The following SS18 variants were observed in gnomAD, a reference collection of about 807,000 sequenced individuals.
SS18 encodes the protein protein SSXT.
SS18 carries 28 observed loss-of-function variants against 72.5 expected under a neutral mutation model. That is an observed-to-expected ratio of 0.39 (90% CI 0.29 to 0.53). The LOEUF is 0.53. SS18 is among the 20% of genes least tolerant of loss of function. The pLI is 0.76. For synonymous variants in SS18, 172 were observed against 164.2 expected (o/e 1.05, Z -0.37); for missense variants, 518 against 535.3 (o/e 0.97, Z 0.32).
chr18:26,069,245 T>C (rs1251125710), intron 3 of SS18, among the ~76,000 whole-genome samples: 1 of 152,130 alleles, frequency 6.6e-6, no homozygotes, highest in East Asian at 1.9e-4. Flanking sequence ...TGAACTGTTT[T>C]ACAGCATTCT....
chr18:26,044,775 A>AG (rs2053790730), intron 5 of SS18, among the ~76,000 whole-genome samples: 1 of 152,026 alleles, frequency 6.6e-6, no homozygotes, highest in African/African-American at 2.4e-5. Flanking sequence ...TGGGCCAAGC[A>AG]GGGGGGTAAA....
chr18:26,090,212 C>T (rs1568039067), intron 1 of SS18: 1 of 464,316 alleles, frequency 2.2e-6, no homozygotes, highest in Non-Finnish European at 3.8e-6. Flanking sequence ...CGCACGCGCC[C>T]CGCAGCCCGA....
At chr18:26,073,087 G>A (rs2054345986) in intron 3 of SS18, among the ~76,000 whole-genome samples, 1 of 151,960 alleles carries the variant, frequency 6.6e-6, no homozygotes, top group Non-Finnish European at 1.5e-5. Flanking sequence ...CTGACCATAT[G>A]CTGGACCTTG....
Position 26,038,563 on chromosome 18 carries a change from T to C in SS18, c.872A>G (p.Tyr291Cys). Reference sequence around the variant, plus strand: ...ACATCAGGAGAGATTACCATCAGGGTAATATTGCTGGTTCATGCCTTCTGG... The same window carrying C: ...ACATCAGGAGAGATTACCATCAGGGCAATATTGCTGGTTCATGCCTTCTGG... Reference protein sequence around the residue: ...GPPEGMNQQYYPDGHNDYGYQ... With the variant: ...GPPEGMNQQYCPDGHNDYGYQ... Residue 291 changes from tyrosine (Y) to cysteine (C), a missense_variant, in exon 7 of 11, where the codon TAC becomes TGC. Tyr to Cys is a radical substitution (Grantham distance 194). Coordinates refer to ENST00000415083, the MANE Select transcript of SS18 (RefSeq NM_001007559.3). 2 of 1,612,802 alleles carry C rather than the reference T, an allele frequency of 1.2e-6. No homozygotes were observed. Among genetic ancestry groups the C allele is most frequent in the South Asian group, 2.2e-5 (2 of 91,044 alleles).
chr18:26,023,252 A>G (rs189326492), intron 10 of SS18, among the ~76,000 whole-genome samples: 199 of 152,324 alleles, frequency 1.3e-3, no homozygotes, highest in South Asian at 4.1e-3. Context: ...TAAAAGAATT[A>G]TATTTGTATT....
chr18:26,073,387 G>C (rs567685221), intron 3 of SS18, among the ~76,000 whole-genome samples: 1 of 152,074 alleles, frequency 6.6e-6, no homozygotes, highest in African/African-American at 2.4e-5. Flanking sequence ...CTAAAACTCA[G>C]AAGAACAGAA....
At chr18:26,047,647 C>A (rs2053851441) in intron 5 of SS18, among the ~76,000 whole-genome samples, 1 of 151,960 alleles carries the variant, frequency 6.6e-6, no homozygotes, top group South Asian at 2.1e-4. Flanking sequence ...TGAGACCATC[C>A]TGGCTAACAC....
chr18:26,057,124 T>C (rs1431125534), intron 4 of SS18, among the ~76,000 whole-genome samples: 1 of 152,228 alleles, frequency 6.6e-6, no homozygotes, highest in Non-Finnish European at 1.5e-5. Context: ...TCAATATCAA[T>C]AAGGAAATAC....
chr18:26,045,144 C>A lies in SS18; in HGVS notation c.608-5688G>T, dbSNP rs577467895. Among the ~76,000 whole-genome samples, 341 of 152,336 alleles carry A rather than the reference C, an allele frequency of 2.2e-3. 1 individual carries two copies. Among genetic ancestry groups the A allele is most frequent in the Middle Eastern group, 6.8e-3 (2 of 294 alleles). On this transcript the variant is annotated intron_variant, in intron 5 of 10. Transcript: ENST00000415083. ...ATACAACAAGAGCCTCTTAACAGGT[C>A]TCCCTATTTCACCCTTGCCCAATTA... is the stretch of plus-strand genomic sequence containing the variant.
chr18:26,077,430 T>C (rs1598606878), intron 3 of SS18, among the ~76,000 whole-genome samples: 1 of 152,154 alleles, frequency 6.6e-6, no homozygotes, highest in South Asian at 2.1e-4. Flanking sequence ...TTCTACACAA[T>C]ATATGACCCA....
At chr18:26,087,694 C>A in intron 1 of SS18, 117 bp from the exon 2 acceptor site, 1 of 587,526 alleles carries the variant, frequency 1.7e-6, no homozygotes, top group Non-Finnish European at 3.0e-6. Context: ...AACTCTAAAG[C>A]GTATCCCTTA....
intron 10 of SS18, among the ~76,000 whole-genome samples, chr18:26,028,856 T>C (rs1041438076): frequency 6.6e-6 from 1 of 152,170 alleles, no homozygotes. Flanking sequence ...GGTGTGTATA[T>C]ACGTGTCAAA....
At chr18:26,087,162 C>CA (rs764748356) in intron 2 of SS18, among the ~76,000 whole-genome samples, 2 of 151,962 alleles carry the variant, frequency 1.3e-5, no homozygotes, top group Non-Finnish European at 2.9e-5. Context: ...AAATGTGAGT[C>CA]AAAACCGACC....
In SS18 at chr18:26,016,638, G is replaced by A. The variant is rs1450811801; in HGVS notation, c.*1716C>T. 2 of 186,566 alleles carry A rather than the reference G, an allele frequency of 1.1e-5. No homozygotes were observed. The highest frequency in any genetic ancestry group is 8.7e-5 in the East Asian group (1 of 11,460). The allele number at this position is 186,566 out of a possible 1,614,324, so 11.6% of individuals were successfully genotyped here. A position where few individuals can be genotyped will look rare whatever the true frequency, so the allele number is the denominator to read the frequency against. ...CTCAGGAGGCTGAGGCAGGAGAACT[G>A]CTTGAACCTGGGAGGCGGAGGTTGC... is the stretch of plus-strand genomic sequence containing the variant. On this transcript the variant is annotated 3_prime_UTR_variant, in exon 11 of 11. Transcript: ENST00000415083.
At position 26,078,068 on chromosome 18, in the gene SS18, A is replaced by C. The variant is rs764989069; in HGVS notation, c.231+8T>G. The C allele has an allele frequency of 3.8e-6, 6 of 1,593,932 alleles. No individual in the cohort carries two copies. Among genetic ancestry groups the C allele is most frequent in the Non-Finnish European group, 5.2e-6 (6 of 1,164,368 alleles). On this transcript the variant is annotated splice_region_variant and intron_variant, in intron 3 of 10. Coordinates refer to ENST00000415083, the MANE Select transcript of SS18 (RefSeq NM_001007559.3). ...TTGTCTACTTCACATGATTTTAAAG[A>C]TACTTACTGCTGGTAAAAGAGACTG...
intron 3 of SS18, among the ~76,000 whole-genome samples, chr18:26,069,421 A>T (rs997496316): frequency 1.3e-5 from 2 of 151,596 alleles, no homozygotes; most frequent in African/African-American, 4.8e-5. Context: ...GATAAATTTA[A>T]GGTTCTTTAT....
chr18:26,023,156 T>C (rs889538129), intron 10 of SS18, among the ~76,000 whole-genome samples: 3 of 152,130 alleles, frequency 2.0e-5, no homozygotes, highest in African/African-American at 7.2e-5. Context: ...TCAAAGATTA[T>C]CACGCACACA....
rs200716760 is a variant in SS18 at position 26,035,230 on chromosome 18, GC to G, written c.974-104del. On this transcript the variant is annotated intron_variant, in intron 8 of 10. Transcript: ENST00000415083. The surrounding 1 kb of genome is among the most constrained non-coding windows in gnomAD (Gnocchi z 4.4). ...CAACAACACAAGAACAAAATGAAAT[GC>G]CATATTGATTTTTAGAAGTTAACAA... is the stretch of plus-strand genomic sequence containing the variant. The G allele has an allele frequency of 3.3e-4, 428 of 1,294,016 alleles. No individual in the cohort carries two copies. The African/African-American group carries it at 5.8e-3, about 18-fold the overall frequency. The allele number at this position is 1,294,016 out of a possible 1,614,324, so 80.2% of individuals were successfully genotyped here.
chr18:26,048,172 C>T (rs117195751), intron 5 of SS18, among the ~76,000 whole-genome samples: 1,636 of 152,284 alleles, frequency 0.011, 12 homozygotes, highest in Non-Finnish European at 0.015. Flanking sequence ...TGAATGTGGC[C>T]TCATGCAACC....
Sources: gnomAD v4.1 joint callset for allele counts (sites outside exome capture counted in the v4.1 genomes callset) on GRCh38, gnomAD v4.1.1 for gene constraint, Gnocchi (gnomAD v3.1) non-coding constraint, MANE v1.5 for transcripts, NCBI Gene and HGNC (gene_info 2026-07-23, HGNC 2026-07-21) for gene names.